The following USP3 variants were observed in gnomAD, a reference collection of about 807,000 sequenced individuals.
USP3 encodes ubiquitin specific peptidase 3.
In USP3, 20 loss-of-function variants were observed where a neutral mutation model predicts 72.3. The ratio of observed to expected loss-of-function variants is 0.28; its 90% confidence interval spans 0.19 to 0.40. The LOEUF (loss-of-function observed/expected upper bound fraction) is 0.40. Among genes scored for constraint, USP3 ranks in the 10% least tolerant of loss-of-function variants. The pLI, the probability that USP3 is intolerant of heterozygous loss-of-function variation, is 1.00. For missense variants in USP3, 479 were observed against 633.9 expected (o/e 0.76, Z 2.62); for synonymous variants, 222 against 225.3 (o/e 0.99, Z 0.13).
intron 8 of USP3, among the ~76,000 whole-genome samples, chr15:63,568,150 G>A (rs1015776074): frequency 3.5e-4 from 53 of 152,060 alleles, no homozygotes; most frequent in African/African-American, 1.3e-3. Context: ...TCAGGAGATC[G>A]AGACCATCCT....
chr15:63,525,262 C>G (rs999087849), intron 1 of USP3, among the ~76,000 whole-genome samples: 2 of 152,212 alleles, frequency 1.3e-5, no homozygotes, highest in African/African-American at 4.8e-5. Context: ...GTGGCCACTT[C>G]TGACCACTTT....
Position 63,504,658 on chromosome 15 carries a change from C to A in USP3, c.-82C>A. The A allele has an allele frequency of 8.0e-7, 1 of 1,257,666 alleles. No individual in the cohort carries two copies. Among genetic ancestry groups the A allele is most frequent in the South Asian group, 1.5e-5 (1 of 65,070 alleles). 77.9% of individuals were successfully genotyped at this position (1,257,666 alleles called of 1,614,324 possible). A position where few individuals can be genotyped will look rare whatever the true frequency, so the allele number is the denominator to read the frequency against. On this transcript the variant is annotated 5_prime_UTR_variant, in exon 1 of 15. Coordinates refer to ENST00000380324, the MANE Select transcript of USP3 (RefSeq NM_006537.4). ...CCGAGCGCCCGGCTAGAAGCGACAC[C>A]AGACGGAGCCTCCGGAGTTCCTCCG...
intron 8 of USP3, among the ~76,000 whole-genome samples, chr15:63,569,988 A>G (rs1447387209): frequency 6.6e-6 from 1 of 152,188 alleles, no homozygotes; most frequent in African/African-American, 2.4e-5. Flanking sequence ...AGTGGTTCAC[A>G]CCTGGTTTTC....
At position 63,528,794 on chromosome 15, in the gene USP3, A is replaced by G. The variant is rs768527867; in HGVS notation, c.92-3853A>G. Among the ~76,000 whole-genome samples the G allele has an allele frequency of 2.0e-5, 3 of 152,200 alleles. No individual in the cohort carries two copies. Among genetic ancestry groups the G allele is most frequent in the Non-Finnish European group, 4.4e-5 (3 of 68,020 alleles). On this transcript the variant is annotated intron_variant, in intron 1 of 14. Transcript: ENST00000380324. This position sits in a 1 kb window ranked among gnomAD's most constrained non-coding sequence, Gnocchi z 4.3. ...AATAAATGGTTTTAAGATTATCTGT[A>G]GTATTCTTTTATTTGTACAATTACC...
rs570548470 is a variant in USP3, at chr15:63,529,125, A to C, written c.92-3522A>C. The C allele has an allele frequency of 7.8e-5, 90 of 1,148,950 alleles. No individual in the cohort carries two copies. The highest frequency in any genetic ancestry group is 1.0e-4 in the Non-Finnish European group (87 of 861,532). 71.2% of individuals were successfully genotyped at this position (1,148,950 alleles called of 1,614,324 possible). ...GTGATTCTTCTGCCTCAGCCTCCCA[A>C]GTAGCTGGGACTACAGATGCAATCA... On this transcript the variant is annotated intron_variant, in intron 1 of 14. Transcript: ENST00000380324. The surrounding 1 kb of genome is among the most constrained non-coding windows in gnomAD (Gnocchi z 4.2).
intron 3 of USP3, 77 bp downstream of exon 3, chr15:63,537,233 C>T (rs2066171278): frequency 6.7e-7 from 1 of 1,495,498 alleles, no homozygotes; most frequent in African/African-American, 1.4e-5. Flanking sequence ...CCCTCAGTCT[C>T]TAAGCCAGTT....
intron 6 of USP3, among the ~76,000 whole-genome samples, chr15:63,558,562 C>T (rs1372001240): frequency 1.3e-5 from 2 of 150,274 alleles, no homozygotes; most frequent in Non-Finnish European, 3.0e-5. Flanking sequence ...CCCCCACCCC[C>T]CCGCTCTTTA....
chr15:63,537,116 C>T lies in USP3; in HGVS notation c.244C>T (p.His82Tyr), dbSNP rs1349790419. 2 of 1,614,094 alleles carry T rather than the reference C, an allele frequency of 1.2e-6. No individual in the cohort carries two copies. The highest frequency in any genetic ancestry group is 1.7e-5 in the Admixed American group (1 of 60,020). Residue 82 changes from histidine (H) to tyrosine (Y), a missense_variant, in exon 3 of 15, where the codon CAC becomes TAC. Physicochemically the swap from His to Tyr is moderately conservative, Grantham distance 83 (BLOSUM62 2). Coordinates refer to ENST00000380324, the MANE Select transcript of USP3 (RefSeq NM_006537.4). ...KKSEKQDKVQ[H>Y]TVCMDCSSYS... ...ATCAGAAAAGCAAGATAAAGTTCAG[C>T]ACACAGTATGTATGGATTGCAGTAG... is the stretch of plus-strand genomic sequence containing the variant.
Position 63,529,581 on chromosome 15 carries a change from A to G in USP3, c.92-3066A>G, listed in dbSNP as rs1447950544. ...CTTGTGAGATAGTTGATATTATAAGACTAGCTTTATAATACCCTGTTCTAA... is the reference window on the plus strand; with the variant it reads ...CTTGTGAGATAGTTGATATTATAAGGCTAGCTTTATAATACCCTGTTCTAA... On this transcript the variant is annotated intron_variant, in intron 1 of 14. Transcript: ENST00000380324. This position sits in a 1 kb window ranked among gnomAD's most constrained non-coding sequence, Gnocchi z 4.2. Among the ~76,000 whole-genome samples, 1 of 152,224 alleles carries G rather than the reference A, an allele frequency of 6.6e-6. No individual in the cohort carries two copies. The highest frequency in any genetic ancestry group is 1.5e-5 in the Non-Finnish European group (1 of 68,040).
chr15:63,580,558 A>G (rs1375652026), intron 11 of USP3, among the ~76,000 whole-genome samples: 5 of 149,854 alleles, frequency 3.3e-5, no homozygotes, highest in African/African-American at 1.2e-4. Context: ...CTGTTTTAAC[A>G]GTTTATATCA....
intron 3 of USP3, among the ~76,000 whole-genome samples, chr15:63,545,991 A>C (rs1006480625): frequency 1.3e-5 from 2 of 148,416 alleles, no homozygotes; most frequent in African/African-American, 2.5e-5. Flanking sequence ...AAAAAAAAAA[A>C]AAAACAGTAG....
intron 5 of USP3, among the ~76,000 whole-genome samples, chr15:63,557,603 C>T (rs1408367572): frequency 2.0e-5 from 3 of 152,170 alleles, no homozygotes; most frequent in African/African-American, 7.2e-5. Context: ...GCCATGTTGG[C>T]GGCCTGTCTT....
At position 63,504,745 on chromosome 15, in the gene USP3, G is replaced by T; in HGVS notation, c.6G>T (p.Glu2Asp). The stretch of plus-strand genomic sequence containing the variant: ...CAGCTGCCCTCCTCGTGGCCATGGA[G>T]TGTCCACACCTGAGCTCCAGCGTCT... M[E>D]CPHLSSSVCI... is the part of the protein sequence containing the mutation. The change falls in exon 1 of 15, where the codon GAG (glutamate) becomes GAT (aspartate). Residue 2 changes from glutamate to aspartate, a missense_variant. Transcript: ENST00000380324. 6.2e-7 allele frequency: 1 copy of T among 1,608,322 alleles called. No homozygotes were observed. Among genetic ancestry groups the T allele is most frequent in the African/African-American group, 1.3e-5 (1 of 74,480 alleles).
intron 3 of USP3, among the ~76,000 whole-genome samples, chr15:63,537,955 G>A (rs2152662162): frequency 6.6e-6 from 1 of 151,848 alleles, no homozygotes; most frequent in Non-Finnish European, 1.5e-5. Context: ...AAAGTGCTGG[G>A]ATTAACAGGC....
In USP3 at chr15:63,571,105, C is replaced by G. The variant is rs147397137; in HGVS notation, c.908+526C>G. 5.2e-3 allele frequency among the ~76,000 whole-genome samples: 787 copies of G among 152,252 alleles called. 1 individual carries two copies. Among genetic ancestry groups the G allele is most frequent in the Middle Eastern group, 0.017 (5 of 294 alleles). On this transcript the variant is annotated intron_variant, in intron 9 of 14. Coordinates refer to ENST00000380324, the MANE Select transcript of USP3 (RefSeq NM_006537.4). ...TAAAACAAAGCTTTTGGATTGCTTT[C>G]CCATGTACTAGCAGCCCCCAAGTAT...
chr15:63,544,608 C>T lies in USP3; in HGVS notation c.284+7452C>T, dbSNP rs2152665404. On this transcript the variant is annotated intron_variant, in intron 3 of 14. Coordinates refer to ENST00000380324, the MANE Select transcript of USP3 (RefSeq NM_006537.4). This position sits in a 1 kb window ranked among gnomAD's most constrained non-coding sequence, Gnocchi z 4.2. ...ATTTTAGGACAAGAAAACGATTGAG[C>T]CATGCTGTGTGTTTTCATTTTTGGA... 8.8e-6 allele frequency: 6 copies of T among 678,424 alleles called. No homozygotes were observed. The Middle Eastern group carries it at 7.1e-4, about 80-fold the overall frequency. The allele number at this position is 678,424 out of a possible 1,614,324, so 42.0% of individuals were successfully genotyped here.
chr15:63,513,847 T>C (rs1248528395), intron 1 of USP3, among the ~76,000 whole-genome samples: 2 of 152,274 alleles, frequency 1.3e-5, no homozygotes, highest in African/African-American at 4.8e-5. Flanking sequence ...GATGACATGT[T>C]AGAAAAATGT....
At chr15:63,526,900 A>G (rs532052289) in intron 1 of USP3, among the ~76,000 whole-genome samples, 1 of 152,242 alleles carries the variant, frequency 6.6e-6, no homozygotes, top group African/African-American at 2.4e-5. Flanking sequence ...TGTTCTTTAA[A>G]TTATTTTACT....
intron 2 of USP3, among the ~76,000 whole-genome samples, chr15:63,536,676 A>G (rs538086638): frequency 3.1e-4 from 47 of 150,594 alleles, no homozygotes; most frequent in African/African-American, 1.1e-3. Flanking sequence ...ATGAAATCCC[A>G]TCTCTATTAA....
Sources: allele counts gnomAD v4.1 joint callset (sites outside exome capture counted in the v4.1 genomes callset), GRCh38; gene constraint gnomAD v4.1.1; non-coding constraint Gnocchi (gnomAD v3.1); transcripts MANE v1.5; gene names NCBI Gene and HGNC (gene_info 2026-07-23, HGNC 2026-07-21).